Variants in RCAN3 observed in about 807,000 individuals in gnomAD.
RCAN3 encodes regulator of calcineurin 3.
A neutral mutation model predicts 21.9 loss-of-function variants in RCAN3; 19 were observed. That is an observed-to-expected ratio of 0.87 (90% CI 0.61 to 1.27). RCAN3 has a LOEUF of 1.27. Among genes scored for constraint, RCAN3 ranks in the 50% most tolerant of loss-of-function variants. The pLI is 0.00. For missense variants in RCAN3, 240 were observed against 300.1 expected (o/e 0.80, Z 1.48); for synonymous variants, 114 against 112.3 (o/e 1.01, Z -0.09).
rs1224376263 is a variant in RCAN3 at position 24,535,599 on chromosome 1, T to C, written c.*322T>C. 2 of 258,228 alleles carry C rather than the reference T, an allele frequency of 7.7e-6. No individual in the cohort carries two copies. The highest frequency in any genetic ancestry group is 4.4e-5 in the African/African-American group (2 of 45,220). 16.0% of individuals were successfully genotyped at this position (258,228 alleles called of 1,614,324 possible). A position where few individuals can be genotyped will look rare whatever the true frequency, so the allele number is the denominator to read the frequency against. On this transcript the variant is annotated 3_prime_UTR_variant, in exon 5 of 5. Coordinates refer to ENST00000374395, the MANE Select transcript of RCAN3 (RefSeq NM_013441.4). ...CTCCAGCCATGTAAGTCCTCCTGAT[T>C]CTGTATCACATGAGACACCAAAAAC...
chr1:24,519,215 G>GTT (rs60599694), intron 2 of RCAN3, among the ~76,000 whole-genome samples: 378 of 136,738 alleles, frequency 2.8e-3, no homozygotes, highest in African/African-American at 9.5e-3. Flanking sequence ...CTGGCCTGAT[G>GTT]TTTTTTTTTT....
At chr1:24,504,248 GCAAA>G (rs931048870) in intron 1 of RCAN3, among the ~76,000 whole-genome samples, 7 of 152,190 alleles carry the variant, frequency 4.6e-5, no homozygotes, top group African/African-American at 1.7e-4. Context: ...GTGCAGTGGT[GCAAA>G]CACAGCTCAC....
At chr1:24,519,220 T>G (rs1042559836) in intron 2 of RCAN3, among the ~76,000 whole-genome samples, 3 of 151,312 alleles carry the variant, frequency 2.0e-5, no homozygotes, top group African/African-American at 4.8e-5. Context: ...CTGATGTTTT[T>G]TTTTTTTTTT....
At chr1:24,534,153 G>T (rs1361035524) in intron 4 of RCAN3, among the ~76,000 whole-genome samples, 1 of 152,198 alleles carries the variant, frequency 6.6e-6, no homozygotes, top group African/African-American at 2.4e-5. Flanking sequence ...TATGTCTCTT[G>T]TAGGGGAATA....
chr1:24,523,178 C>T (rs1648957834), intron 2 of RCAN3, among the ~76,000 whole-genome samples: 1 of 151,908 alleles, frequency 6.6e-6, no homozygotes, highest in Admixed American at 6.6e-5. Context: ...GTTCTCCTAC[C>T]TCAGCCTCCC....
chr1:24,523,991 C>T (rs1014773083), intron 2 of RCAN3, among the ~76,000 whole-genome samples: 1 of 151,916 alleles, frequency 6.6e-6, no homozygotes, highest in Non-Finnish European at 1.5e-5. Context: ...TTTGGGAGGC[C>T]GAGGTGGGTG....
At chr1:24,534,909 A>G (rs11801547) in intron 4 of RCAN3, among the ~76,000 whole-genome samples, 184 bp from the exon 5 acceptor site, 12,149 of 152,322 alleles carry the variant, frequency 0.08, 1,119 homozygotes, top group African/African-American at 0.23. Context: ...CATTTTATAC[A>G]AGCCTTAAAG....
Position 24,514,389 on chromosome 1 carries a change from T to C in RCAN3, c.17T>C (p.Met6Thr). The change falls in exon 2 of 5, where the codon ATG (methionine) becomes ACG (threonine). Residue 6 changes from methionine to threonine, a missense_variant. By Grantham distance (81) the Met-to-Thr change is moderately conservative. Coordinates refer to ENST00000374395, the MANE Select transcript of RCAN3 (RefSeq NM_013441.4). MLRDT[M>T]KSWNDSQSDL... ...TGGGGGATAATGCTGAGGGACACTA[T>C]GAAATCTTGGAATGATAGCCAGTCA... 1.2e-6 allele frequency: 2 copies of C among 1,613,464 alleles called. No homozygotes were observed. Among genetic ancestry groups the C allele is most frequent in the Admixed American group, 3.3e-5 (2 of 59,974 alleles).
chr1:24,523,603 TACACAC>T (rs71577716), intron 2 of RCAN3, among the ~76,000 whole-genome samples: 22,465 of 140,686 alleles, frequency 0.16, 1,854 homozygotes, highest in East Asian at 0.28. Flanking sequence ...TTATTTCTAA[TACACAC>T]ACACACACAC....
intron 1 of RCAN3, among the ~76,000 whole-genome samples, chr1:24,506,689 C>CA (rs200489448): frequency 0.014 from 1,507 of 108,370 alleles, 28 homozygotes; most frequent in African/African-American, 0.04. Flanking sequence ...GAAGTTATAT[C>CA]AAAAAAAAAA....
Position 24,538,529 on chromosome 1 carries a change from CA to C in RCAN3, c.*3254del, listed in dbSNP as rs1326406467. ...ACGCCATTCTCCTGCCTCAGCCTCC[CA>C]AGTAGCTGGGACTACAGGCGCCCGC... is the stretch of plus-strand genomic sequence containing the variant. On this transcript the variant is annotated 3_prime_UTR_variant, in exon 5 of 5. Coordinates refer to ENST00000374395, the MANE Select transcript of RCAN3 (RefSeq NM_013441.4). 1 of 151,192 alleles carries C rather than the reference CA, an allele frequency of 6.6e-6. No individual in the cohort carries two copies. Among genetic ancestry groups the C allele is most frequent in the African/African-American group, 2.4e-5 (1 of 41,144 alleles). The allele number at this position is 151,192 out of a possible 1,614,324, so 9.4% of individuals were successfully genotyped here.
chr1:24,520,029 C>A (rs1648663597), intron 2 of RCAN3, among the ~76,000 whole-genome samples: 1 of 152,174 alleles, frequency 6.6e-6, no homozygotes, highest in South Asian at 2.1e-4. Flanking sequence ...GTGAAGTGAT[C>A]TTATGATTTT....
chr1:24,530,158 A>G (rs1649633497), intron 2 of RCAN3, among the ~76,000 whole-genome samples: 1 of 151,852 alleles, frequency 6.6e-6, no homozygotes, highest in Admixed American at 6.6e-5. Flanking sequence ...GTTTGAGACC[A>G]GCTTGGGCAA....
chr1:24,516,237 G>A (rs1222106332), intron 2 of RCAN3, among the ~76,000 whole-genome samples: 1 of 152,130 alleles, frequency 6.6e-6, no homozygotes, highest in Admixed American at 6.6e-5. Flanking sequence ...GGCTGTGGCG[G>A]GCAGATCACT....
intron 4 of RCAN3, among the ~76,000 whole-genome samples, chr1:24,534,585 C>T (rs916466398): frequency 2.0e-5 from 3 of 149,388 alleles, no homozygotes; most frequent in Non-Finnish European, 3.0e-5. Context: ...CCAGCCTGGG[C>T]GACAGAGCAA....
chr1:24,527,426 A>G (rs1402159761), intron 2 of RCAN3, among the ~76,000 whole-genome samples: 1 of 152,268 alleles, frequency 6.6e-6, no homozygotes, highest in Non-Finnish European at 1.5e-5. Flanking sequence ...AAGGTCTGAC[A>G]TAATATATTT....
chr1:24,517,868 T>G (rs1362709604), intron 2 of RCAN3, among the ~76,000 whole-genome samples: 1 of 152,004 alleles, frequency 6.6e-6, no homozygotes, highest in South Asian at 2.1e-4. Context: ...GAATCAAATG[T>G]TTCCTTTACA....
rs961367861 is a variant in RCAN3, at chr1:24,539,074, A to G, written c.*3797A>G. 6.6e-6 allele frequency: 1 copy of G among 152,164 alleles called. No individual in the cohort carries two copies. Among genetic ancestry groups the G allele is most frequent in the African/African-American group, 2.4e-5 (1 of 41,436 alleles). 9.4% of individuals were successfully genotyped at this position (152,164 alleles called of 1,614,324 possible). The stretch of plus-strand genomic sequence containing the variant: ...AAATCATATACTCTATCCCCATGTT[A>G]CACAGATTAGAAAAACTGAGGTTAT... On this transcript the variant is annotated 3_prime_UTR_variant, in exon 5 of 5. Transcript: ENST00000374395.
At chr1:24,515,267 T>C (rs1279192209) in intron 2 of RCAN3, among the ~76,000 whole-genome samples, 2 of 152,212 alleles carry the variant, frequency 1.3e-5, no homozygotes, top group Non-Finnish European at 2.9e-5. Context: ...TTCAGCTTTT[T>C]CCTGGGGCTG....
Sources: gnomAD v4.1 joint callset for allele counts (sites outside exome capture counted in the v4.1 genomes callset) on GRCh38, gnomAD v4.1.1 for gene constraint, MANE v1.5 for transcripts, NCBI Gene and HGNC (gene_info 2026-07-23, HGNC 2026-07-21) for gene names.